The following TAF2 variants were observed in gnomAD, a reference collection of about 807,000 sequenced individuals.
TAF2 encodes transcription initiation factor TFIID subunit 2.
TAF2 carries 61 observed loss-of-function variants against 138.5 expected under a neutral mutation model. That is an observed-to-expected ratio of 0.44 (90% CI 0.36 to 0.54). The LOEUF (loss-of-function observed/expected upper bound fraction) is 0.54, where lower values mean the gene tolerates loss of function less well. TAF2 is among the 20% of genes least tolerant of loss of function. TAF2 has a pLI of 0.00. For synonymous variants in TAF2, 475 were observed against 469.9 expected (o/e 1.01, Z -0.14); for missense variants, 1,090 against 1,427.9 (o/e 0.76, Z 3.81).
rs1439488432 is a variant in TAF2, at chr8:119,832,544, C to T, written c.21G>A (p.Glu7=). ...CTTTCTTCCTGTTCATTCTGGCGGG[C>T]TCTACACCAGTCAGCGGCATGAAGC... is the stretch of plus-strand genomic sequence containing the variant. MPLTGV[E]PARMNRKKGD... Residue 7 remains glutamate (E), a synonymous_variant, in exon 1 of 26, where the codon GAG becomes GAA. Coordinates refer to ENST00000378164, the MANE Select transcript of TAF2 (RefSeq NM_003184.4). 7 of 1,603,144 alleles carry T rather than the reference C, an allele frequency of 4.4e-6. No individual in the cohort carries two copies. Among genetic ancestry groups the T allele is most frequent in the Non-Finnish European group, 6.0e-6 (7 of 1,174,298 alleles).
At chr8:119,796,208 A>G (rs1586462064) in intron 8 of TAF2, among the ~76,000 whole-genome samples, 1 of 152,024 alleles carries the variant, frequency 6.6e-6, no homozygotes, top group Middle Eastern at 3.4e-3. Context: ...TGCCTACTAC[A>G]TTCCAAGCAC....
intron 23 of TAF2, among the ~76,000 whole-genome samples, chr8:119,745,452 A>T (rs187235613): frequency 1.3e-5 from 2 of 149,152 alleles, no homozygotes; most frequent in East Asian, 3.9e-4. Flanking sequence ...ACTCTAGGAC[A>T]TATTTTAAAT....
chr8:119,791,987 G>C (rs1823462914), intron 10 of TAF2: 1 of 152,698 alleles, frequency 6.5e-6, no homozygotes, highest in Non-Finnish European at 1.5e-5. Flanking sequence ...AGGATCATAA[G>C]TAAATTTAGA....
chr8:119,823,405 T>C (rs1034915055), intron 2 of TAF2, among the ~76,000 whole-genome samples: 4 of 152,182 alleles, frequency 2.6e-5, no homozygotes, highest in Non-Finnish European at 4.4e-5. Context: ...GGCAAGTCTT[T>C]CCATGCTATT....
rs371556056 is a variant in TAF2 at position 119,792,758 on chromosome 8, C to T, written c.1277+608G>A. ...TAGAAAGGCTCCAGGTTGAAGGGAG[C>T]GTTCTCTTGCCCTGCCATCCCTTCC... On this transcript the variant is annotated intron_variant, in intron 10 of 25. Transcript: ENST00000378164. Among the ~76,000 whole-genome samples the T allele has an allele frequency of 7.9e-5, 12 of 152,164 alleles. No individual in the cohort carries two copies. In the East Asian group the frequency reaches 1.5e-3, roughly 20 times the overall value.
chr8:119,756,410 ATCT>A (rs1183647008), intron 21 of TAF2, among the ~76,000 whole-genome samples: 1 of 152,054 alleles, frequency 6.6e-6, no homozygotes, highest in Non-Finnish European at 1.5e-5. Context: ...GTGTGATGAG[ATCT>A]TCTAAAACCT....
chr8:119,821,154 C>T (rs1825782831), intron 2 of TAF2, among the ~76,000 whole-genome samples: 1 of 152,316 alleles, frequency 6.6e-6, no homozygotes, highest in Admixed American at 6.5e-5. Flanking sequence ...TCTCCTTGTA[C>T]CATCAGGCCT....
In TAF2 at chr8:119,797,645, T is replaced by C. The variant is rs1315524649; in HGVS notation, c.977+17A>G. 6.2e-7 allele frequency: 1 copy of C among 1,610,026 alleles called. No homozygotes were observed. Among genetic ancestry groups the C allele is most frequent in the South Asian group, 1.1e-5 (1 of 90,946 alleles). On this transcript the variant is annotated intron_variant, in intron 7 of 25. Coordinates refer to ENST00000378164, the MANE Select transcript of TAF2 (RefSeq NM_003184.4). ...ATGATCTTAATTTAGGCATTTCAAA[T>C]CTGAAGAGATACCAACCTAAAAATG...
At chr8:119,826,231 G>A (rs1474929272) in intron 2 of TAF2, among the ~76,000 whole-genome samples, 1 of 151,218 alleles carries the variant, frequency 6.6e-6, no homozygotes, top group African/African-American at 2.4e-5. Context: ...TGCACGTTCT[G>A]CACATGTAAC....
intron 25 of TAF2, among the ~76,000 whole-genome samples, chr8:119,734,755 A>G (rs1819108877): frequency 6.6e-6 from 1 of 152,198 alleles, no homozygotes; most frequent in Admixed American, 6.5e-5. Context: ...TAAATTGAGT[A>G]AGTGAACCTG....
intron 25 of TAF2, among the ~76,000 whole-genome samples, chr8:119,740,932 T>G (rs1252871775): frequency 6.6e-6 from 1 of 152,076 alleles, no homozygotes; most frequent in Admixed American, 6.6e-5. Flanking sequence ...GATTACTAGA[T>G]CAGTCCATCT....
Position 119,783,473 on chromosome 8 carries a change from T to C in TAF2, c.2020A>G (p.Thr674Ala), listed in dbSNP as rs1173183265. 1.2e-6 allele frequency: 2 copies of C among 1,613,974 alleles called. No homozygotes were observed. Among genetic ancestry groups the C allele is most frequent in the Non-Finnish European group, 1.7e-6 (2 of 1,179,976 alleles). Residue 674 changes from threonine to alanine, a missense_variant, in exon 16 of 26, where the codon ACT becomes GCT. By Grantham distance (58) the Thr-to-Ala change is moderately conservative. Around this residue, in one of 3 missense-constraint regions of TAF2, gnomAD observed 580 missense variants for 719.6 expected, o/e 0.81. Transcript: ENST00000378164. ...GTGAGTGCAAGCCGAGATGCTGGAGTAGGGAATTTTTCCAAAGCCAAAATG... is the reference window on the plus strand; with the variant it reads ...GTGAGTGCAAGCCGAGATGCTGGAGCAGGGAATTTTTCCAAAGCCAAAATG... ...ESILALEKFP[T>A]PASRLALTDI...
At chr8:119,801,750 G>C in intron 6 of TAF2, 44 bp downstream of exon 6, 1 of 1,576,106 alleles carries the variant, frequency 6.3e-7, no homozygotes, top group African/African-American at 1.3e-5. Flanking sequence ...TTTAAAAGCA[G>C]TAAAGGGCCA....
intron 23 of TAF2, among the ~76,000 whole-genome samples, chr8:119,745,309 A>G (rs1367906512): frequency 6.7e-6 from 1 of 148,372 alleles, no homozygotes; most frequent in Non-Finnish European, 1.5e-5. Flanking sequence ...AATGTGGATA[A>G]ATTAACATAT....
intron 8 of TAF2, among the ~76,000 whole-genome samples, chr8:119,796,226 T>C (rs1236036180): frequency 6.6e-6 from 1 of 152,054 alleles, no homozygotes; most frequent in Non-Finnish European, 1.5e-5. Flanking sequence ...CACTATTCTT[T>C]AATGAAACTT....
intron 18 of TAF2, among the ~76,000 whole-genome samples, chr8:119,764,992 C>T (rs184503944): frequency 6.6e-6 from 1 of 152,134 alleles, no homozygotes; most frequent in Admixed American, 6.5e-5. Context: ...GACAGTAGGT[C>T]AGGTATAACA....
intron 3 of TAF2, among the ~76,000 whole-genome samples, chr8:119,814,938 G>T (rs1265147857): frequency 6.7e-6 from 1 of 150,190 alleles, no homozygotes; most frequent in Non-Finnish European, 1.5e-5. Context: ...GGGGTGGGGG[G>T]CTTCTCAAAG....
At chr8:119,806,461 C>A in intron 3 of TAF2, 60 bp from the exon 4 acceptor site, 342 of 1,020,462 alleles carry the variant, frequency 3.4e-4, no homozygotes, top group Non-Finnish European at 4.3e-4. Flanking sequence ...AAGCATTTTT[C>A]TTTCTTTCTT....
intron 10 of TAF2, 28 bp downstream of exon 10, chr8:119,793,338 T>C (rs2131177163): frequency 6.4e-7 from 1 of 1,566,336 alleles, no homozygotes; most frequent in South Asian, 1.1e-5. Flanking sequence ...TCAAGGTTTA[T>C]AATATCATCT....
Sources: allele counts gnomAD v4.1 joint callset (sites outside exome capture counted in the v4.1 genomes callset), GRCh38; gene constraint gnomAD v4.1.1; regional missense constraint gnomAD v4.1.1; transcripts MANE v1.5; gene names NCBI Gene and HGNC (gene_info 2026-07-23, HGNC 2026-07-21).